The following MED13L variants were observed in gnomAD, a reference collection of about 807,000 sequenced individuals.
MED13L encodes the protein mediator complex subunit 13L.
In MED13L, 7 loss-of-function variants were observed where a neutral mutation model predicts 220.9. That is an observed-to-expected ratio of 0.03 (90% CI 0.02 to 0.06). The LOEUF (loss-of-function observed/expected upper bound fraction) is 0.06. Ranked by LOEUF, MED13L falls within the 10% of genes least tolerant of loss-of-function variation. MED13L has a pLI of 1.00. For missense variants in MED13L, 1,965 were observed against 2,760.5 expected (o/e 0.71, Z 6.46); for synonymous variants, 1,011 against 1,015.2 (o/e 1.00, Z 0.08).
At chr12:116,273,219 G>C (rs1224674278) in intron 1 of MED13L, among the ~76,000 whole-genome samples, 1 of 152,058 alleles carries the variant, frequency 6.6e-6, no homozygotes. Flanking sequence ...GAGGAGAATC[G>C]CTAGAACCTG....
chr12:116,063,087 A>G (rs1869640438), intron 4 of MED13L, among the ~76,000 whole-genome samples: 1 of 152,224 alleles, frequency 6.6e-6, no homozygotes, highest in Non-Finnish European at 1.5e-5. Flanking sequence ...CCAGGCCCTT[A>G]GCACAGCAGC....
intron 2 of MED13L, among the ~76,000 whole-genome samples, chr12:116,121,199 T>G (rs1368843783): frequency 6.6e-6 from 1 of 152,186 alleles, no homozygotes; most frequent in Non-Finnish European, 1.5e-5. Context: ...TAAATGTTTT[T>G]TAACAGAAAA....
chr12:116,268,187 TA>T (rs1330130135), intron 1 of MED13L, among the ~76,000 whole-genome samples: 2 of 150,560 alleles, frequency 1.3e-5, no homozygotes, highest in African/African-American at 4.9e-5. Flanking sequence ...CAGAGGGAGG[TA>T]GGGGGTAACT....
chr12:116,245,246 T>C (rs776269709), intron 1 of MED13L, among the ~76,000 whole-genome samples: 33 of 152,112 alleles, frequency 2.2e-4, no homozygotes, highest in Non-Finnish European at 4.3e-4. Context: ...CCAGTCTTCA[T>C]CCCTCAGAAA....
chr12:116,022,414 C>T (rs765397160), intron 5 of MED13L, 42 bp downstream of exon 5: 9 of 1,609,790 alleles, frequency 5.6e-6, no homozygotes, highest in African/African-American at 2.7e-5. Flanking sequence ...GTTATCCACT[C>T]GGTGGCGGAT....
intron 2 of MED13L, among the ~76,000 whole-genome samples, chr12:116,163,449 C>A (rs888770041): frequency 1.3e-5 from 2 of 150,578 alleles, no homozygotes; most frequent in Non-Finnish European, 2.9e-5. Context: ...ACTGCAACCT[C>A]TGCCTCCCAG....
intron 2 of MED13L, among the ~76,000 whole-genome samples, chr12:116,127,413 T>G (rs969744361): frequency 1.8e-4 from 27 of 152,174 alleles, no homozygotes; most frequent in Non-Finnish European, 3.7e-4. Context: ...ATATCTGTAA[T>G]GGAATAAACA....
At chr12:115,982,251 G>GT (rs1185747245) in intron 22 of MED13L, 133 bp downstream of exon 22, 1 of 912,724 alleles carries the variant, frequency 1.1e-6, no homozygotes, top group Non-Finnish European at 1.7e-6. Flanking sequence ...AAACACTCTG[G>GT]TTCCTAGTAT....
intron 2 of MED13L, among the ~76,000 whole-genome samples, chr12:116,132,620 AAAAG>A (rs1876168811): frequency 6.6e-6 from 1 of 151,780 alleles, no homozygotes; most frequent in African/African-American, 2.4e-5. Flanking sequence ...CTACAAGGTG[AAAAG>A]AAAGGGAAGA....
intron 2 of MED13L, among the ~76,000 whole-genome samples, chr12:116,204,909 T>TA: frequency 6.6e-6 from 1 of 152,320 alleles, no homozygotes; most frequent in South Asian, 2.1e-4. Context: ...AAAAGAAGAA[T>TA]AATATCGCTG....
chr12:116,153,051 G>A (rs1878173964), intron 2 of MED13L, among the ~76,000 whole-genome samples: 1 of 152,084 alleles, frequency 6.6e-6, no homozygotes, highest in Non-Finnish European at 1.5e-5. Flanking sequence ...AAACCTCTCC[G>A]AGCCTTGTTC....
chr12:116,110,241 G>C (rs1423320718), intron 3 of MED13L: 1 of 152,140 alleles, frequency 6.6e-6, no homozygotes, highest in African/African-American at 2.4e-5. Flanking sequence ...CATCACAAAG[G>C]GGCTTCCTCT....
chr12:116,085,269 A>T (rs1311639164), intron 4 of MED13L, among the ~76,000 whole-genome samples: 1 of 152,186 alleles, frequency 6.6e-6, no homozygotes, highest in Non-Finnish European at 1.5e-5. Context: ...CTCATAGTAA[A>T]ATAAGGGTCA....
intron 2 of MED13L, among the ~76,000 whole-genome samples, chr12:116,180,316 A>G (rs1880428155): frequency 6.6e-6 from 1 of 152,218 alleles, no homozygotes; most frequent in African/African-American, 2.4e-5. Flanking sequence ...TGCCAACATG[A>G]TACCACAAGC....
intron 2 of MED13L, among the ~76,000 whole-genome samples, chr12:116,148,890 C>G (rs1348721761): frequency 6.6e-6 from 1 of 152,154 alleles, no homozygotes; most frequent in East Asian, 1.9e-4. Context: ...ACTCTTACCA[C>G]TTTCTGTCAC....
chr12:116,054,193 T>TACACACACACACACACACAAAC (rs1385800385), intron 4 of MED13L, among the ~76,000 whole-genome samples: 1 of 148,114 alleles, frequency 6.8e-6, no homozygotes, highest in Non-Finnish European at 1.5e-5. Flanking sequence ...TAACAACTAT[T>TACACACACACACACACACAAAC]ACACACACAC....
chr12:116,266,794 C>A (rs1183212771), intron 1 of MED13L, among the ~76,000 whole-genome samples: 1 of 152,156 alleles, frequency 6.6e-6, no homozygotes, highest in East Asian at 1.9e-4. Context: ...CCTCTAGATA[C>A]AACTTAAGAC....
At chr12:115,971,740 T>C (rs1262148300) in intron 26 of MED13L, among the ~76,000 whole-genome samples, 1 of 152,198 alleles carries the variant, frequency 6.6e-6, no homozygotes, top group African/African-American at 2.4e-5. Context: ...TATTCAAATA[T>C]GCATCATTCT....
intron 1 of MED13L, among the ~76,000 whole-genome samples, chr12:116,246,163 ACTTT>A (rs1257568571): frequency 2.0e-5 from 3 of 152,106 alleles, no homozygotes; most frequent in East Asian, 3.9e-4. Flanking sequence ...GCCAGCCTAA[ACTTT>A]CTATCAAATA....
Sources: gnomAD v4.1 joint callset for allele counts (sites outside exome capture counted in the v4.1 genomes callset) on GRCh38, gnomAD v4.1.1 for gene constraint, MANE v1.5 for transcripts, NCBI Gene and HGNC (gene_info 2026-07-23, HGNC 2026-07-21) for gene names.